GFPT2: variants seen among roughly 807,000 people sequenced by gnomAD.
The protein encoded by GFPT2 is glutamine--fructose-6-phosphate aminotransferase [isomerizing] 2.
GFPT2 carries 62 observed loss-of-function variants against 85.6 expected under a neutral mutation model. That is an observed-to-expected ratio of 0.72 (90% CI 0.59 to 0.90). The LOEUF is 0.90. Among genes scored for constraint, GFPT2 ranks in the 40% least tolerant of loss-of-function variants. The pLI, the probability that GFPT2 is intolerant of heterozygous loss-of-function variation, is 0.00. For missense variants in GFPT2, 788 were observed against 893.4 expected, an observed-to-expected ratio of 0.88 and a Z score of 1.50; for synonymous variants, 368 against 344.5, an observed-to-expected ratio of 1.07 and a Z score of -0.75.
At chr5:180,315,057 C>A (rs535863696) in intron 13 of GFPT2, among the ~76,000 whole-genome samples, 1 of 152,066 alleles carries the variant, frequency 6.6e-6, no homozygotes, top group East Asian at 1.9e-4. Context: ...CACTTGTCAA[C>A]AAAATGGAAA....
chr5:180,346,543 G>A lies in GFPT2; in HGVS notation c.7+6668C>T, dbSNP rs73351326. ...CCCTCTCTCGTCTTCTCTGCCCCGC[G>A]GGCCCACCGCGTGACGTCAACCCCT... On this transcript the variant is annotated intron_variant, in intron 1 of 18. Transcript: ENST00000253778. 5.7e-3 allele frequency among the ~76,000 whole-genome samples: 865 copies of A among 152,280 alleles called. 7 individuals carry two copies. The highest frequency in any genetic ancestry group is 0.02 in the African/African-American group (813 of 41,534).
chr5:180,340,666 C>T (rs1561883629), intron 1 of GFPT2, among the ~76,000 whole-genome samples: 1 of 151,920 alleles, frequency 6.6e-6, no homozygotes, highest in Non-Finnish European at 1.5e-5. Context: ...TGCCCGACAC[C>T]ATGCCCAGCT....
chr5:180,302,730 G>T, intron 17 of GFPT2, 146 bp from the exon 18 acceptor site: 1 of 608,718 alleles, frequency 1.6e-6, no homozygotes, highest in Non-Finnish European at 2.8e-6. Context: ...TGGTATGTGT[G>T]GGACACAAAT....
intron 2 of GFPT2, among the ~76,000 whole-genome samples, chr5:180,337,461 A>G (rs1415619347): frequency 2.0e-5 from 3 of 152,184 alleles, no homozygotes; most frequent in East Asian, 3.9e-4. Flanking sequence ...TCGAAAAAAA[A>G]AAAAAAAGAA....
At chr5:180,348,768 G>A (rs1764657939) in intron 1 of GFPT2, among the ~76,000 whole-genome samples, 13 of 151,082 alleles carry the variant, frequency 8.6e-5, no homozygotes, top group Admixed American at 7.2e-4. Context: ...TTTGAGACAG[G>A]GTCTTGCTCT....
At chr5:180,302,332 A>G in intron 18 of GFPT2, 91 bp downstream of exon 18, 2 of 898,780 alleles carry the variant, frequency 2.2e-6, no homozygotes, top group South Asian at 3.5e-5. Context: ...TATTTACTCT[A>G]TGACTATTTA....
chr5:180,318,742 A>AG lies in GFPT2; in HGVS notation c.958+50dup. Reference sequence around the variant, plus strand: ...CAGGCAGAGTGTCAGGAGCTCCACCAGGCGCGCTGGCTCCCGAGGCTGCCG... The same window carrying AG: ...CAGGCAGAGTGTCAGGAGCTCCACCAGGGCGCGCTGGCTCCCGAGGCTGCCG... On this transcript the variant is annotated intron_variant, in intron 10 of 18. Coordinates refer to ENST00000253778, the MANE Select transcript of GFPT2 (RefSeq NM_005110.4). The surrounding 1 kb of genome is among the most constrained non-coding windows in gnomAD (Gnocchi z 4.2). 6.6e-7 allele frequency: 1 copy of AG among 1,515,022 alleles called. No individual in the cohort carries two copies. The highest frequency in any genetic ancestry group is 9.1e-7 in the Non-Finnish European group (1 of 1,096,624). 93.8% of individuals were successfully genotyped at this position (1,515,022 alleles called of 1,614,324 possible).
At chr5:180,308,982 G>A (rs1581368205) in intron 15 of GFPT2, among the ~76,000 whole-genome samples, 1 of 151,726 alleles carries the variant, frequency 6.6e-6, no homozygotes, top group Admixed American at 6.6e-5. Flanking sequence ...TGATTCTCCT[G>A]CCTCAGCCTC....
intron 1 of GFPT2, chr5:180,352,447 G>C (rs1031238780): frequency 6.6e-6 from 3 of 453,318 alleles, no homozygotes; most frequent in Non-Finnish European, 1.3e-5. Flanking sequence ...AAGAATTGCA[G>C]ATGTGCGCTC....
chr5:180,336,407 G>A (rs898615415), intron 3 of GFPT2, 72 bp downstream of exon 3: 18 of 836,720 alleles, frequency 2.2e-5, no homozygotes, highest in Middle Eastern at 4.4e-4. Flanking sequence ...ATTCTCCGGC[G>A]CTGTTGGAAT....
At chr5:180,351,041 C>T (rs1046743216) in intron 1 of GFPT2, among the ~76,000 whole-genome samples, 2 of 152,214 alleles carry the variant, frequency 1.3e-5, no homozygotes, top group Non-Finnish European at 2.9e-5. Flanking sequence ...AGCATCTTCA[C>T]GATTCTTGCA....
chr5:180,304,990 C>G, intron 16 of GFPT2, 51 bp from the exon 17 acceptor site: 1 of 1,298,802 alleles, frequency 7.7e-7, no homozygotes, highest in Non-Finnish European at 1.1e-6. Flanking sequence ...GGGGCTGGAG[C>G]AGATCAGCCA....
chr5:180,304,219 T>C (rs1763734837), intron 17 of GFPT2, among the ~76,000 whole-genome samples: 2 of 152,210 alleles, frequency 1.3e-5, no homozygotes, highest in African/African-American at 4.8e-5. Flanking sequence ...GTGATTTATA[T>C]CTTTTATAAT....
chr5:180,305,656 G>T (rs1241414284), intron 16 of GFPT2, among the ~76,000 whole-genome samples: 1 of 152,166 alleles, frequency 6.6e-6, no homozygotes, highest in Admixed American at 6.5e-5. Context: ...CCACCTAAAC[G>T]CTTCTTCCTT....
intron 15 of GFPT2, among the ~76,000 whole-genome samples, chr5:180,308,045 A>G (rs970561770): frequency 6.6e-6 from 1 of 152,208 alleles, no homozygotes; most frequent in African/African-American, 2.4e-5. Context: ...TCACGAGGTC[A>G]GGAGATCGAG....
chr5:180,302,551 T>G lies in GFPT2; in HGVS notation c.1876A>C (p.Thr626Pro). Reference sequence around the variant, plus strand: ...TTATACGCAAACTTGGAACTTTCAGTATCGTCCTTGGAGCACAGTATAATG... The same window carrying G: ...TTATACGCAAACTTGGAACTTTCAGGATCGTCCTTGGAGCACAGTATAATG... The part of the protein sequence containing the change: ...RPIILCSKDD[T>P]ESSKFAYKTI... Residue 626 changes from threonine to proline, a missense_variant, in exon 18 of 19, where the codon ACT becomes CCT. Thr to Pro is a conservative substitution (Grantham distance 38, BLOSUM62 -1). Transcript: ENST00000253778. The G allele has an allele frequency of 6.2e-7, 1 of 1,614,018 alleles. No homozygotes were observed. The highest frequency in any genetic ancestry group is 8.5e-7 in the Non-Finnish European group (1 of 1,179,898).
chr5:180,342,261 CATCTT>C (rs1326316551), intron 1 of GFPT2, among the ~76,000 whole-genome samples: 3 of 152,160 alleles, frequency 2.0e-5, no homozygotes, highest in Non-Finnish European at 4.4e-5. Context: ...TGGACTAATA[CATCTT>C]TTAATGTCAA....
chr5:180,324,201 C>A lies in GFPT2; in HGVS notation c.781G>T (p.Ala261Ser). The change falls in exon 9 of 19, where the codon GCT becomes TCT. Residue 261 changes from alanine (A) to serine (S), a missense_variant. Coordinates refer to ENST00000253778, the MANE Select transcript of GFPT2 (RefSeq NM_005110.4). ...AGGCTCAGTTACCTTGCATCAGAAG[C>A]AAAGAAGAATTCCACGGCCTTGTCG... ...VGDKAVEFFF[A>S]SDASAIIEHT... 6.3e-7 allele frequency: 1 copy of A among 1,596,594 alleles called. No homozygotes were observed. The highest frequency in any genetic ancestry group is 8.6e-7 in the Non-Finnish European group (1 of 1,164,902).
At chr5:180,352,596 C>T (rs1403311288) in intron 1 of GFPT2, 1 of 449,002 alleles carries the variant, frequency 2.2e-6, no homozygotes, top group Non-Finnish European at 4.4e-6. Flanking sequence ...CAGTGACTGC[C>T]TCTTCCCCGC....
Sources: gnomAD v4.1 joint callset for allele counts (sites outside exome capture counted in the v4.1 genomes callset) on GRCh38, gnomAD v4.1.1 for gene constraint, Gnocchi (gnomAD v3.1) non-coding constraint, MANE v1.5 for transcripts, NCBI Gene and HGNC (gene_info 2026-07-23, HGNC 2026-07-21) for gene names.